Variants in FBXO38 observed in about 807,000 individuals in gnomAD.
FBXO38 encodes F-box protein 38.
In FBXO38, 53 loss-of-function variants were observed where a neutral mutation model predicts 131.9. That is an observed-to-expected ratio of 0.40 (90% CI 0.32 to 0.51). The LOEUF (loss-of-function observed/expected upper bound fraction) is 0.51. Ranked by LOEUF, FBXO38 falls within the 20% of genes least tolerant of loss-of-function variation. The pLI is 0.53. For synonymous variants in FBXO38, 452 were observed against 505.6 expected (o/e 0.89, Z 1.42); for missense variants, 1,076 against 1,475.6 (o/e 0.73, Z 4.44).
At chr5:148,416,797 C>G in intron 11 of FBXO38, 197 bp from the exon 12 acceptor site, 1 of 556,826 alleles carries the variant, frequency 1.8e-6, no homozygotes, top group Non-Finnish European at 3.2e-6. Context: ...ATCTGTAAAT[C>G]AAGCCAGTAA....
At position 148,417,349 on chromosome 5, in the gene FBXO38, G is replaced by C. The variant is rs147038211; in HGVS notation, c.1618+145G>C. ...GCTAGTTGATAAGGAACATGAGGGA[G>C]TAGGTGAAATTTTTCTCTTTTCTTG... is the stretch of plus-strand genomic sequence containing the variant. On this transcript the variant is annotated intron_variant, in intron 12 of 21. Coordinates refer to ENST00000340253, the MANE Select transcript of FBXO38 (RefSeq NM_205836.3). 83 of 655,642 alleles carry C rather than the reference G, an allele frequency of 1.3e-4. 1 individual carries two copies. In the Admixed American group the frequency reaches 2.0e-3, roughly 16 times the overall value. 40.6% of individuals were successfully genotyped at this position (655,642 alleles called of 1,614,324 possible).
intron 3 of FBXO38, among the ~76,000 whole-genome samples, chr5:148,400,421 C>A (rs1298556860): frequency 6.6e-6 from 1 of 152,108 alleles, no homozygotes; most frequent in Non-Finnish European, 1.5e-5. Flanking sequence ...TATAGTCTTA[C>A]CATTAACATC....
At chr5:148,408,423 G>C (rs72832031) in intron 7 of FBXO38, among the ~76,000 whole-genome samples, 2,765 of 152,330 alleles carry the variant, frequency 0.018, 37 homozygotes, top group Middle Eastern at 0.051. Flanking sequence ...ACATTTTTAA[G>C]ATTGTTCATA....
Position 148,401,982 on chromosome 5 carries a change from GC to G in FBXO38, c.264del (p.Phe89LeufsTer7). ...AGRWWEYMPS[G>X]FTDASFLTLL... ...CTCTAAATACTTCTGAACTTCTCAGGCTTTACAGATGCCAGTTTTCTAACAC... is the reference window on the plus strand; with the variant it reads ...CTCTAAATACTTCTGAACTTCTCAGGTTTACAGATGCCAGTTTTCTAACAC... On this transcript the variant is annotated frameshift_variant and splice_region_variant, in exon 4 of 22. Transcript: ENST00000340253. LOFTEE classifies it high-confidence loss of function. The G allele has an allele frequency of 6.2e-7, 1 of 1,605,212 alleles. No homozygotes were observed. Among genetic ancestry groups the G allele is most frequent in the Non-Finnish European group, 8.5e-7 (1 of 1,173,058 alleles).
intron 3 of FBXO38, 39 bp downstream of exon 3, chr5:148,399,171 C>G: frequency 6.2e-7 from 1 of 1,601,796 alleles, no homozygotes; most frequent in Non-Finnish European, 8.5e-7. Flanking sequence ...TAGTGTCCTA[C>G]TGGAAAGTAG....
rs1191710191 is a variant in FBXO38 at position 148,408,416 on chromosome 5, T to C, written c.869-708T>C. Among the ~76,000 whole-genome samples, 3 of 152,224 alleles carry C rather than the reference T, an allele frequency of 2.0e-5. No homozygotes were observed. In the East Asian group the frequency reaches 5.8e-4, roughly 29 times the overall value. On this transcript the variant is annotated intron_variant, in intron 7 of 21. Transcript: ENST00000340253. The stretch of plus-strand genomic sequence containing the variant: ...GTTTACATATGTTCACCAAAAGACA[T>C]TTTTAAGATTGTTCATAGAAGCACT...
At chr5:148,431,109 A>G (rs983360849) in intron 15 of FBXO38, among the ~76,000 whole-genome samples, 4 of 152,124 alleles carry the variant, frequency 2.6e-5, no homozygotes, top group African/African-American at 9.7e-5. Flanking sequence ...CTGCTTTTTC[A>G]CCAGTATATT....
intron 15 of FBXO38, among the ~76,000 whole-genome samples, chr5:148,432,375 T>C (rs1257716477): frequency 6.6e-6 from 1 of 152,198 alleles, no homozygotes; most frequent in South Asian, 2.1e-4. Context: ...GTAAATAAGT[T>C]AGGGCATTAT....
rs1752826664 is a variant in FBXO38, at chr5:148,412,617, A to T, written c.1094-1519A>T. On this transcript the variant is annotated intron_variant, in intron 9 of 21. Coordinates refer to ENST00000340253, the MANE Select transcript of FBXO38 (RefSeq NM_205836.3). ...AAAATTTCAGAAACAATATAGTCCT[A>T]GCCCTAGAGTTCTAGCAATTTAGTC... is the stretch of plus-strand genomic sequence containing the variant. Among the ~76,000 whole-genome samples the T allele has an allele frequency of 2.0e-5, 3 of 152,266 alleles. No individual in the cohort carries two copies. In the South Asian group the frequency reaches 6.2e-4, roughly 32 times the overall value.
At chr5:148,388,091 CAATATT>C (rs1028942628) in intron 1 of FBXO38, among the ~76,000 whole-genome samples, 1 of 152,148 alleles carries the variant, frequency 6.6e-6, no homozygotes, top group African/African-American at 2.4e-5. Context: ...GGCATGGAAA[CAATATT>C]AATCTCCTTG....
chr5:148,420,131 T>C (rs1414866142), intron 12 of FBXO38, among the ~76,000 whole-genome samples: 1 of 151,248 alleles, frequency 6.6e-6, no homozygotes, highest in Non-Finnish European at 1.5e-5. Flanking sequence ...TGTGGGGTTT[T>C]TTTTTTTTTT....
At chr5:148,411,568 A>T (rs1247670625) in intron 9 of FBXO38, among the ~76,000 whole-genome samples, 3 of 152,312 alleles carry the variant, frequency 2.0e-5, no homozygotes, top group South Asian at 4.1e-4. Context: ...AGGACAATCC[A>T]GCTCAAAAAA....
chr5:148,429,211 T>C (rs1417571468), intron 15 of FBXO38, among the ~76,000 whole-genome samples: 1 of 152,196 alleles, frequency 6.6e-6, no homozygotes, highest in East Asian at 1.9e-4. Context: ...ATTTTTATGC[T>C]GCGAAAGGCC....
At chr5:148,398,357 A>G (rs1268694618) in intron 2 of FBXO38, among the ~76,000 whole-genome samples, 26 of 152,094 alleles carry the variant, frequency 1.7e-4, no homozygotes, top group Non-Finnish European at 2.6e-4. Context: ...ATAAAGAAGA[A>G]TGGAAAAGAG....
chr5:148,390,738 G>A (rs1398820246), intron 1 of FBXO38, among the ~76,000 whole-genome samples: 3 of 151,984 alleles, frequency 2.0e-5, no homozygotes, highest in Admixed American at 2.0e-4. Flanking sequence ...TAAGGTGCAG[G>A]GTATTTAGTC....
Position 148,415,985 on chromosome 5 carries a change from A to C in FBXO38, c.1322A>C (p.Lys441Thr). The C allele has an allele frequency of 6.2e-7, 1 of 1,613,508 alleles. No individual in the cohort carries two copies. Among genetic ancestry groups the C allele is most frequent in the Non-Finnish European group, 8.5e-7 (1 of 1,179,668 alleles). ...DINLVRCHAL[K>T]LDSFGQFIEL... ...AACCTAGTACGGTGCCATGCTTTGAAGCTGGACTCTTTTGGCCAGTTTATT... is the reference window on the plus strand; with the variant it reads ...AACCTAGTACGGTGCCATGCTTTGACGCTGGACTCTTTTGGCCAGTTTATT... Residue 441 changes from lysine (K) to threonine (T), a missense_variant, in exon 11 of 22, where the codon AAG becomes ACG. By Grantham distance (78) the Lys-to-Thr change is moderately conservative. Coordinates refer to ENST00000340253, the MANE Select transcript of FBXO38 (RefSeq NM_205836.3).
intron 2 of FBXO38, among the ~76,000 whole-genome samples, chr5:148,397,898 G>A (rs1758562936): frequency 6.6e-6 from 1 of 152,102 alleles, no homozygotes; most frequent in Admixed American, 6.5e-5. Context: ...CACTTACCTG[G>A]AATTTGAAGA....
chr5:148,401,035 T>C (rs1470428484), intron 3 of FBXO38, among the ~76,000 whole-genome samples: 1 of 152,176 alleles, frequency 6.6e-6, no homozygotes, highest in African/African-American at 2.4e-5. Context: ...GTCTGGACTT[T>C]ACATGTTAAA....
At position 148,442,298 on chromosome 5, in the gene FBXO38, A is replaced by G. The variant is rs997251295; in HGVS notation, c.*151A>G. 2.0e-6 allele frequency: 1 copy of G among 512,020 alleles called. No homozygotes were observed. The highest frequency in any genetic ancestry group is 3.4e-6 in the Non-Finnish European group (1 of 296,140). The allele number at this position is 512,020 out of a possible 1,614,324, so 31.7% of individuals were successfully genotyped here. ...TATATAAGGAACATCGAAATTGTATACAAAGATTTGTACATAAAAAATATA... is the reference window on the plus strand; with the variant it reads ...TATATAAGGAACATCGAAATTGTATGCAAAGATTTGTACATAAAAAATATA... On this transcript the variant is annotated 3_prime_UTR_variant, in exon 22 of 22. Coordinates refer to ENST00000340253, the MANE Select transcript of FBXO38 (RefSeq NM_205836.3).
Sources: gnomAD v4.1 joint callset for allele counts (sites outside exome capture counted in the v4.1 genomes callset) on GRCh38, gnomAD v4.1.1 for gene constraint, MANE v1.5 for transcripts, NCBI Gene and HGNC (gene_info 2026-07-23, HGNC 2026-07-21) for gene names.